The following ZCCHC4 variants were observed in gnomAD, a reference collection of about 807,000 sequenced individuals.
The protein encoded by ZCCHC4 is rRNA N(6)-adenosine-methyltransferase ZCCHC4.
Under a neutral mutation model 67.7 loss-of-function variants are expected in ZCCHC4, and 54 were observed. The ratio of observed to expected loss-of-function variants is 0.80; its 90% CI spans 0.64 to 1.00. The LOEUF (loss-of-function observed/expected upper bound fraction) is 1.00. ZCCHC4 is among the 50% of genes least tolerant of loss of function. The probability of loss-of-function intolerance (pLI) is 0.00; values close to 1 mark genes in which losing one functional copy is unlikely to be tolerated. For synonymous variants in ZCCHC4, 198 were observed against 213.5 expected (o/e 0.93, Z 0.63); for missense variants, 609 against 617.0 (o/e 0.99, Z 0.14).
intron 3 of ZCCHC4, among the ~76,000 whole-genome samples, chr4:25,324,723 A>G (rs555762228): frequency 6.6e-6 from 1 of 152,296 alleles, no homozygotes; most frequent in South Asian, 2.1e-4. Context: ...ACTTGTTATT[A>G]TCTGTCCTTT....
chr4:25,346,089 C>T (rs568717893), intron 6 of ZCCHC4, among the ~76,000 whole-genome samples: 6 of 152,132 alleles, frequency 3.9e-5, no homozygotes, highest in Admixed American at 2.0e-4. Flanking sequence ...TCCCCCGACC[C>T]CTACTCCCCA....
At chr4:25,327,263 C>T (rs1718929520) in intron 3 of ZCCHC4, among the ~76,000 whole-genome samples, 1 of 152,150 alleles carries the variant, frequency 6.6e-6, no homozygotes, top group Admixed American at 6.5e-5. Context: ...TGCTTTGTCC[C>T]AGTCTTGGGG....
At chr4:25,315,016 C>T (rs546638440) in intron 2 of ZCCHC4, among the ~76,000 whole-genome samples, 80 of 152,248 alleles carry the variant, frequency 5.3e-4, no homozygotes, top group African/African-American at 1.8e-3. Context: ...TATGGTAAAA[C>T]AGTATTATAT....
intron 3 of ZCCHC4, among the ~76,000 whole-genome samples, chr4:25,316,522 G>C (rs1718272148): frequency 6.6e-6 from 1 of 152,270 alleles, no homozygotes; most frequent in East Asian, 1.9e-4. Context: ...TAGTAATTGT[G>C]AAGTGGTATG....
chr4:25,349,654 A>T lies in ZCCHC4; in HGVS notation c.910+12A>T. On this transcript the variant is annotated intron_variant, in intron 7 of 12. Coordinates refer to ENST00000302874, the MANE Select transcript of ZCCHC4 (RefSeq NM_024936.3). ...AGGTCAAAGCCAAGGTGTATAATTTATTACTGCAAAATAAATACATATCTA... is the reference window on the plus strand; with the variant it reads ...AGGTCAAAGCCAAGGTGTATAATTTTTTACTGCAAAATAAATACATATCTA... The T allele has an allele frequency of 6.2e-7, 1 of 1,611,770 alleles. No individual in the cohort carries two copies. Among genetic ancestry groups the T allele is most frequent in the African/African-American group, 1.3e-5 (1 of 74,868 alleles).
intron 5 of ZCCHC4, among the ~76,000 whole-genome samples, chr4:25,338,060 T>G (rs1279887222): frequency 6.6e-6 from 1 of 152,232 alleles, no homozygotes; most frequent in Non-Finnish European, 1.5e-5. Flanking sequence ...AGTAGATATA[T>G]AACCTTGAAA....
chr4:25,320,875 TC>T (rs1223638419), intron 3 of ZCCHC4, among the ~76,000 whole-genome samples: 1 of 152,218 alleles, frequency 6.6e-6, no homozygotes, highest in African/African-American at 2.4e-5. Flanking sequence ...TTTGCAGTGT[TC>T]TTTTCCTTCT....
chr4:25,320,468 A>G (rs1718523986), intron 3 of ZCCHC4, among the ~76,000 whole-genome samples: 1 of 152,352 alleles, frequency 6.6e-6, no homozygotes, highest in Non-Finnish European at 1.5e-5. Context: ...GGAACATCAA[A>G]TGGAGATCAA....
rs760694070 is a variant in ZCCHC4, at chr4:25,361,844, T to A, written c.1012-15T>A. On this transcript the variant is annotated splice_polypyrimidine_tract_variant and intron_variant, in intron 8 of 12. Coordinates refer to ENST00000302874, the MANE Select transcript of ZCCHC4 (RefSeq NM_024936.3). ...TGAGTAAATTTTCTTTCTGCTCTAA[T>A]TTTTAACTTTCTAGGTAGATTATGA... 7.9e-5 allele frequency: 125 copies of A among 1,588,590 alleles called. No homozygotes were observed. Among genetic ancestry groups the A allele is most frequent in the Non-Finnish European group, 9.0e-5 (105 of 1,167,552 alleles).
At chr4:25,321,554 G>A (rs2109051899) in intron 3 of ZCCHC4, among the ~76,000 whole-genome samples, 1 of 151,468 alleles carries the variant, frequency 6.6e-6, no homozygotes, top group South Asian at 2.1e-4. Context: ...TGTATTTTTA[G>A]TAGAGACAGG....
chr4:25,336,385 A>G (rs1719461410), intron 5 of ZCCHC4, among the ~76,000 whole-genome samples: 2 of 152,174 alleles, frequency 1.3e-5, no homozygotes, highest in African/African-American at 4.8e-5. Context: ...CTTTTTTTAA[A>G]TTCTGTGTTC....
chr4:25,345,647 G>C (rs1484681779), intron 6 of ZCCHC4, 27 bp downstream of exon 6: 1 of 1,439,684 alleles, frequency 6.9e-7, no homozygotes, highest in African/African-American at 1.4e-5. Flanking sequence ...TTATCTCATT[G>C]TTCTCTTATT....
At chr4:25,336,269 A>C (rs1577741096) in intron 5 of ZCCHC4, among the ~76,000 whole-genome samples, 1 of 152,318 alleles carries the variant, frequency 6.6e-6, no homozygotes, top group Middle Eastern at 3.4e-3. Flanking sequence ...TCTTTCACTT[A>C]GCATCATGTT....
chr4:25,317,723 A>AG (rs1718338858), intron 3 of ZCCHC4, among the ~76,000 whole-genome samples: 1 of 136,790 alleles, frequency 7.3e-6, no homozygotes. Context: ...AAAAAAAAAA[A>AG]AAAGAAAGAA....
At chr4:25,361,195 C>T (rs1196990768) in intron 8 of ZCCHC4, among the ~76,000 whole-genome samples, 2 of 152,244 alleles carry the variant, frequency 1.3e-5, no homozygotes, top group African/African-American at 4.8e-5. Context: ...AAAAACCTGG[C>T]TTAATGTATA....
chr4:25,357,360 C>T (rs973640941), intron 8 of ZCCHC4, among the ~76,000 whole-genome samples: 2 of 152,194 alleles, frequency 1.3e-5, no homozygotes, highest in Admixed American at 1.3e-4. Context: ...GTGATCTAAC[C>T]TGAAAGTTTC....
intron 3 of ZCCHC4, among the ~76,000 whole-genome samples, chr4:25,319,277 C>T (rs893355670): frequency 6.6e-5 from 10 of 151,956 alleles, no homozygotes; most frequent in Non-Finnish European, 1.3e-4. Flanking sequence ...CCCAGCTTCT[C>T]GGGAGGCTGA....
intron 5 of ZCCHC4, among the ~76,000 whole-genome samples, chr4:25,342,429 G>A (rs1452469674): frequency 6.6e-6 from 1 of 152,154 alleles, no homozygotes. Flanking sequence ...TAGGGGGTAG[G>A]AGGTACGAAG....
Position 25,351,571 on chromosome 4 carries a change from C to T in ZCCHC4, c.911-18C>T, listed in dbSNP as rs779820555. On this transcript the variant is annotated intron_variant, in intron 7 of 12. Transcript: ENST00000302874. The stretch of plus-strand genomic sequence containing the variant: ...TTCTTTAATTTACTATTATTTTTTC[C>T]TTTTTGTGATCCATTAGATGACAGT... The T allele has an allele frequency of 4.6e-6, 7 of 1,532,872 alleles. No homozygotes were observed. The highest frequency in any genetic ancestry group is 1.4e-5 in the African/African-American group (1 of 72,080). 95.0% of individuals were successfully genotyped at this position (1,532,872 alleles called of 1,614,324 possible).
Sources: gnomAD v4.1 joint callset for allele counts (sites outside exome capture counted in the v4.1 genomes callset) on GRCh38, gnomAD v4.1.1 for gene constraint, MANE v1.5 for transcripts, NCBI Gene and HGNC (gene_info 2026-07-23, HGNC 2026-07-21) for gene names.